Variants in AGBL1 observed in about 807,000 individuals in gnomAD.
AGBL1 encodes the protein AGBL carboxypeptidase 1.
A neutral mutation model predicts 118.9 loss-of-function variants in AGBL1; 130 were observed. That is an observed-to-expected ratio of 1.09 (90% confidence interval 0.95 to 1.26). The LOEUF (loss-of-function observed/expected upper bound fraction) is 1.26, where lower values mean the gene tolerates loss of function less well. Ranked by LOEUF, AGBL1 falls within the 50% of genes most tolerant of loss-of-function variation. The pLI is 0.00. For missense variants in AGBL1, 1,584 were observed against 1,298.1 expected, an observed-to-expected ratio of 1.22 and a Z score of -3.38; for synonymous variants, 555 against 478.9, an observed-to-expected ratio of 1.16 and a Z score of -2.08.
chr15:86,350,435 C>T (rs2080607456), intron 17 of AGBL1, among the ~76,000 whole-genome samples: 5 of 152,144 alleles, frequency 3.3e-5, no homozygotes, highest in Admixed American at 3.3e-4. Flanking sequence ...TGTATTGGAA[C>T]AGAAGATATA....
chr15:86,361,267 T>G (rs1356420617), intron 17 of AGBL1, among the ~76,000 whole-genome samples: 1 of 152,062 alleles, frequency 6.6e-6, no homozygotes, highest in East Asian at 1.9e-4. Context: ...ATTTTCTTAC[T>G]GTTACTGATT....
chr15:86,860,902 T>G, intron 22 of AGBL1, among the ~76,000 whole-genome samples: 1 of 151,984 alleles, frequency 6.6e-6, no homozygotes, highest in East Asian at 1.9e-4. Flanking sequence ...GGCTTTTTGT[T>G]TACCTACCCC....
intron 17 of AGBL1, among the ~76,000 whole-genome samples, chr15:86,353,090 G>A (rs1473070667): frequency 6.6e-6 from 1 of 152,150 alleles, no homozygotes; most frequent in Admixed American, 6.5e-5. Context: ...TGGAAAGATG[G>A]CTGACCAAAA....
intron 22 of AGBL1, among the ~76,000 whole-genome samples, chr15:86,883,008 C>G (rs1466282853): frequency 6.6e-6 from 1 of 152,150 alleles, no homozygotes; most frequent in Non-Finnish European, 1.5e-5. Context: ...AGAGGAGTTG[C>G]AGAGTTGCTT....
At chr15:86,949,479 C>T (rs1341834808) in intron 23 of AGBL1, among the ~76,000 whole-genome samples, 1 of 151,924 alleles carries the variant, frequency 6.6e-6, no homozygotes, top group Admixed American at 6.6e-5. Context: ...ATCAAAACTC[C>T]TAGAATAGAG....
intron 16 of AGBL1, among the ~76,000 whole-genome samples, chr15:86,286,247 G>T (rs1406069215): frequency 6.6e-6 from 1 of 151,764 alleles, no homozygotes; most frequent in East Asian, 1.9e-4. Context: ...ATATGTTGCA[G>T]ATCGATCAAA....
intron 19 of AGBL1, among the ~76,000 whole-genome samples, chr15:86,535,418 C>G (rs2142228824): frequency 6.6e-6 from 1 of 152,334 alleles, no homozygotes; most frequent in Non-Finnish European, 1.5e-5. Context: ...TCCTGGGGAG[C>G]CAGGTGGACA....
chr15:86,598,700 C>T, intron 21 of AGBL1, among the ~76,000 whole-genome samples: 1 of 152,102 alleles, frequency 6.6e-6, no homozygotes, highest in East Asian at 1.9e-4. Context: ...ACTGTCTGCA[C>T]AAGCAATGGG....
intron 5 of AGBL1, among the ~76,000 whole-genome samples, chr15:86,192,408 A>G (rs907284450): frequency 2.1e-4 from 32 of 151,706 alleles, no homozygotes; most frequent in African/African-American, 6.5e-4. Flanking sequence ...CATGAATCCA[A>G]TAATGCAATG....
intron 17 of AGBL1, 119 bp downstream of exon 17, chr15:86,295,527 T>C: frequency 1.9e-6 from 2 of 1,038,462 alleles, no homozygotes. Flanking sequence ...CTGTCTGTCT[T>C]TGTAGAAATA....
chr15:86,745,383 T>C lies in AGBL1; in HGVS notation c.3158+70947T>C, dbSNP rs186138884. Among the ~76,000 whole-genome samples, 25 of 152,190 alleles carry C rather than the reference T, an allele frequency of 1.6e-4. 1 individual carries two copies. The highest frequency in any genetic ancestry group is 1.4e-3 in the Admixed American group (22 of 15,274). ...ATAGAAAATATTAAGTGAAACATTA[T>C]ATTGAGGGCCGTCTGACCCCCAAAG... On this transcript the variant is annotated intron_variant, in intron 22 of 22. Coordinates refer to ENST00000614907, the MANE Select transcript of AGBL1 (RefSeq NM_001386094.1).
intron 24 of AGBL1, chr15:86,988,562 C>A (rs1241871058): frequency 6.6e-6 from 1 of 152,006 alleles, no homozygotes; most frequent in African/African-American, 2.4e-5. Flanking sequence ...ATTAAAAAAA[C>A]AATTTAATTT....
chr15:86,974,877 C>T (rs1355019501), intron 23 of AGBL1, among the ~76,000 whole-genome samples: 1 of 151,780 alleles, frequency 6.6e-6, no homozygotes, highest in Non-Finnish European at 1.5e-5. Flanking sequence ...AACCACACTT[C>T]TGGGTGATTA....
At chr15:86,713,338 T>C (rs937888934) in intron 22 of AGBL1, among the ~76,000 whole-genome samples, 2 of 152,172 alleles carry the variant, frequency 1.3e-5, no homozygotes, top group Non-Finnish European at 2.9e-5. Flanking sequence ...GTGTATGTTA[T>C]GAAGCGTTGC....
At chr15:86,348,764 C>T (rs1026622753) in intron 17 of AGBL1, among the ~76,000 whole-genome samples, 9 of 134,152 alleles carry the variant, frequency 6.7e-5, no homozygotes, top group African/African-American at 2.1e-4. Context: ...GGTGACAGAG[C>T]GCGACTGTCT....
chr15:86,884,716 G>T (rs528633201), intron 22 of AGBL1, among the ~76,000 whole-genome samples: 1 of 152,312 alleles, frequency 6.6e-6, no homozygotes, highest in East Asian at 1.9e-4. Flanking sequence ...GGAGGCTGAC[G>T]TGGGAGAACC....
At chr15:86,215,215 ATATGTATGCGTGTG>A (rs1481670196) in intron 5 of AGBL1, among the ~76,000 whole-genome samples, 20 of 123,012 alleles carry the variant, frequency 1.6e-4, no homozygotes, top group South Asian at 7.2e-4. Flanking sequence ...GTGTGAGTGT[ATATGTATGCGTGTG>A]TGTGTGTGTG....
intron 8 of AGBL1, 67 bp from the exon 9 acceptor site, chr15:86,257,897 A>T: frequency 6.6e-7 from 1 of 1,523,606 alleles, no homozygotes; most frequent in African/African-American, 1.4e-5. Flanking sequence ...TGTATGGTGA[A>T]AATCTAAATC....
At chr15:86,752,867 C>T (rs1384454564) in intron 22 of AGBL1, among the ~76,000 whole-genome samples, 1 of 151,982 alleles carries the variant, frequency 6.6e-6, no homozygotes, top group African/African-American at 2.4e-5. Context: ...ATCAAGGACC[C>T]TTGATTAGAT....
Sources: gnomAD v4.1 joint callset for allele counts (sites outside exome capture counted in the v4.1 genomes callset) on GRCh38, gnomAD v4.1.1 for gene constraint, MANE v1.5 for transcripts, NCBI Gene and HGNC (gene_info 2026-07-23, HGNC 2026-07-21) for gene names.